Variants in DNAH2 observed in about 807,000 individuals in gnomAD.
DNAH2 encodes dynein axonemal heavy chain 2, also known as axonemal beta dynein heavy chain 2.
A neutral mutation model predicts 523.5 loss-of-function variants in DNAH2; 323 were observed. The observed-to-expected ratio is 0.62, with a 90% confidence interval of 0.56 to 0.68. The LOEUF is 0.68. DNAH2 is among the 30% of genes least tolerant of loss of function. DNAH2 has a pLI of 0.00. For synonymous variants in DNAH2, 2,093 were observed against 2,177.4 expected, an observed-to-expected ratio of 0.96 and a Z score of 1.08; for missense variants, 4,907 against 5,701.5, an observed-to-expected ratio of 0.86 and a Z score of 4.49.
At chr17:7,723,042 T>C (rs577425998) in intron 2 of DNAH2, among the ~76,000 whole-genome samples, 66 of 142,408 alleles carry the variant, frequency 4.6e-4, no homozygotes, top group African/African-American at 1.7e-3. Context: ...CAATCTCGGC[T>C]CACTACAAGC....
chr17:7,755,666 G>A (rs1178075048), intron 12 of DNAH2, among the ~76,000 whole-genome samples: 3 of 152,106 alleles, frequency 2.0e-5, no homozygotes, highest in East Asian at 1.9e-4. Context: ...TTTCTCAGAC[G>A]TGGAGCGGTT....
intron 39 of DNAH2, among the ~76,000 whole-genome samples, chr17:7,781,851 C>G (rs1384137136): frequency 6.6e-6 from 1 of 152,174 alleles, no homozygotes; most frequent in African/African-American, 2.4e-5. Flanking sequence ...CTGCTAGAAG[C>G]CATTTGGTAT....
In DNAH2 at chr17:7,798,676, A is replaced by T. The variant is rs1441780080; in HGVS notation, c.8517A>T (p.Ser2839=). 1 of 1,613,966 alleles carries T rather than the reference A, an allele frequency of 6.2e-7. No homozygotes were observed. Among genetic ancestry groups the T allele is most frequent in the Non-Finnish European group, 8.5e-7 (1 of 1,179,938 alleles). The change falls in exon 55 of 86, where the codon TCA becomes TCT. Residue 2839 remains serine, a synonymous_variant. Transcript: ENST00000572933. This position sits in a 1 kb window ranked among gnomAD's most constrained non-coding sequence, Gnocchi z 5.5. ...FLEDINNILS[S]GEVPNLYKPD... Reference sequence around the variant, plus strand: ...AGGACATCAACAACATCCTCAGCTCAGGCGAGGTGCCCAATCTCTACAAGC... The same window carrying T: ...AGGACATCAACAACATCCTCAGCTCTGGCGAGGTGCCCAATCTCTACAAGC...
chr17:7,792,891 C>T, intron 47 of DNAH2, 36 bp downstream of exon 47: 1 of 1,605,118 alleles, frequency 6.2e-7, no homozygotes. Context: ...CTGCCGGCTC[C>T]CTTGGGATCC....
intron 56 of DNAH2, among the ~76,000 whole-genome samples, chr17:7,799,924 G>A (rs1229029221): frequency 6.6e-6 from 1 of 152,200 alleles, no homozygotes; most frequent in Non-Finnish European, 1.5e-5. Flanking sequence ...CAGCTCCAGA[G>A]CTTTCTCATG....
chr17:7,760,532 A>G lies in DNAH2; in HGVS notation c.2786-208A>G, dbSNP rs770773281. Among the ~76,000 whole-genome samples the G allele has an allele frequency of 5.9e-5, 9 of 152,156 alleles. No individual in the cohort carries two copies. The highest frequency in any genetic ancestry group is 1.2e-4 in the Non-Finnish European group (8 of 68,014). On this transcript the variant is annotated intron_variant, in intron 17 of 85. Coordinates refer to ENST00000572933, the MANE Select transcript of DNAH2 (RefSeq NM_020877.5). This position sits in a 1 kb window ranked among gnomAD's most constrained non-coding sequence, Gnocchi z 4.0. ...GCCTGTAAGAGGCCTAGATACCAAC[A>G]GACAAGACATCACATCCTATGAAGG...
chr17:7,734,198 T>C lies in DNAH2; in HGVS notation c.644T>C (p.Leu215Pro). Residue 215 changes from leucine to proline, a missense_variant, in exon 6 of 86, where the codon CTG becomes CCG. Transcript: ENST00000572933. ...CTTTCCTTAGACACTCGGTACAAAC[T>C]GGAGGGGCACACGGTCCTCTACATC... ...LACLTDTRYK[L>P]EGHTVLYIPA... The C allele has an allele frequency of 2.5e-6, 4 of 1,598,224 alleles. No homozygotes were observed. Among genetic ancestry groups the C allele is most frequent in the East Asian group, 2.2e-5 (1 of 44,472 alleles).
intron 39 of DNAH2, among the ~76,000 whole-genome samples, chr17:7,782,366 A>G (rs905668449): frequency 3.9e-5 from 6 of 152,218 alleles, no homozygotes; most frequent in African/African-American, 1.4e-4. Flanking sequence ...ACCAGCTCTC[A>G]CATGGTTTCC....
rs768952649 is a variant in DNAH2 at position 7,818,671 on chromosome 17, T to C, written c.10565T>C (p.Val3522Ala). Reference sequence around the variant, plus strand: ...CTGGAGGCCCAGCTGCTGGGCATTGTGGTGCGGAAGGAGCGGCCTGAGCTG... The same window carrying C: ...CTGGAGGCCCAGCTGCTGGGCATTGCGGTGCGGAAGGAGCGGCCTGAGCTG... ...QGLEAQLLGIVVRKERPELEE... is the reference protein window; with the variant it reads ...QGLEAQLLGIAVRKERPELEE... Residue 3522 changes from valine (V) to alanine (A), a missense_variant, in exon 70 of 86, where the codon GTG (valine) becomes GCG (alanine). Around this residue, in one of 3 missense-constraint regions of DNAH2, gnomAD observed 1,851 missense variants for 2,139.4 expected, o/e 0.87. Transcript: ENST00000572933. 30 of 1,614,024 alleles carry C rather than the reference T, an allele frequency of 1.9e-5. No individual in the cohort carries two copies. The highest frequency in any genetic ancestry group is 2.3e-5 in the Non-Finnish European group (27 of 1,179,988).
At chr17:7,736,572 A>G (rs1300951953) in intron 7 of DNAH2, among the ~76,000 whole-genome samples, 29 of 152,204 alleles carry the variant, frequency 1.9e-4, no homozygotes, top group Admixed American at 1.8e-3. Flanking sequence ...AGAAAAGTTG[A>G]CATGTGCTAA....
At position 7,821,294 on chromosome 17, in the gene DNAH2, T is replaced by C. The variant is rs1302356839; in HGVS notation, c.11067T>C (p.His3689=). The change falls in exon 73 of 86, where the codon CAT becomes CAC. Residue 3689 remains histidine (H), a synonymous_variant. Coordinates refer to ENST00000572933, the MANE Select transcript of DNAH2 (RefSeq NM_020877.5). The surrounding 1 kb of genome is among the most constrained non-coding windows in gnomAD (Gnocchi z 5.0). ...GCCACAAACTACTATTCAGTTTTCA[T>C]ATGTGTGCCAAAATCTTGGAGACTT... The part of the protein sequence containing the change: ...FERHKLLFSF[H]MCAKILETSG... The C allele has an allele frequency of 6.2e-7, 1 of 1,614,012 alleles. No homozygotes were observed. The highest frequency in any genetic ancestry group is 1.7e-5 in the Admixed American group (1 of 59,990).
In DNAH2 at chr17:7,792,811, C is replaced by T. The variant is rs1330212229; in HGVS notation, c.7300C>T (p.Pro2434Ser). The T allele has an allele frequency of 1.9e-6, 3 of 1,614,180 alleles. No individual in the cohort carries two copies. Among genetic ancestry groups the T allele is most frequent in the Admixed American group, 3.3e-5 (2 of 60,018 alleles). The part of the protein sequence containing the change: ...SIAQSVLQSL[P>S]SSQWSVLVVN... Reference sequence around the variant, plus strand: ...CGCCCAGAGCGTTCTGCAGTCCCTGCCCTCCAGCCAGTGGTCGGTGCTCGT... The same window carrying T: ...CGCCCAGAGCGTTCTGCAGTCCCTGTCCTCCAGCCAGTGGTCGGTGCTCGT... Residue 2434 changes from proline (P) to serine (S), a missense_variant, in exon 47 of 86, where the codon CCC becomes TCC. Transcript: ENST00000572933.
intron 12 of DNAH2, among the ~76,000 whole-genome samples, chr17:7,755,249 G>A (rs1236222628): frequency 1.3e-5 from 2 of 152,136 alleles, no homozygotes; most frequent in African/African-American, 2.4e-5. Flanking sequence ...AGGGAGGGCA[G>A]GTTAGGGAAC....
chr17:7,722,886 T>C (rs2074660999), intron 2 of DNAH2, among the ~76,000 whole-genome samples: 1 of 152,140 alleles, frequency 6.6e-6, no homozygotes, highest in Admixed American at 6.5e-5. Flanking sequence ...TTTCAAGGTC[T>C]CTACCTAGAA....
chr17:7,776,966 T>G, intron 32 of DNAH2, 77 bp downstream of exon 32: 1 of 1,258,308 alleles, frequency 7.9e-7, no homozygotes, highest in South Asian at 1.3e-5. Flanking sequence ...GCCCACTCGC[T>G]TGAGCCCAGG....
intron 27 of DNAH2, 85 bp from the exon 28 acceptor site, chr17:7,771,245 C>A: frequency 6.4e-7 from 1 of 1,573,296 alleles, no homozygotes; most frequent in South Asian, 1.2e-5. Flanking sequence ...TTCTACCCAA[C>A]TGTCACCCAC....
Position 7,754,743 on chromosome 17 carries a change from C to T in DNAH2, c.1905-2348C>T, listed in dbSNP as rs745702045. On this transcript the variant is annotated intron_variant, in intron 12 of 85. Transcript: ENST00000572933. This position sits in a 1 kb window ranked among gnomAD's most constrained non-coding sequence, Gnocchi z 4.6. ...CATGGCCAAGGGGCTCAGGCTGTGC[C>T]GGCCCAAGGCCAAGGCCAAGGATCA... 2.4e-5 allele frequency: 25 copies of T among 1,039,994 alleles called. No individual in the cohort carries two copies. Among genetic ancestry groups the T allele is most frequent in the South Asian group, 7.7e-5 (6 of 78,310 alleles). The allele number at this position is 1,039,994 out of a possible 1,614,324, so 64.4% of individuals were successfully genotyped here.
At chr17:7,720,027 C>T in intron 2 of DNAH2, 127 bp downstream of exon 2, 1 of 1,189,292 alleles carries the variant, frequency 8.4e-7, no homozygotes, top group Non-Finnish European at 1.1e-6. Flanking sequence ...CTAAGTGACG[C>T]CCCCAGCCAT....
chr17:7,801,736 T>C (rs2077228411), intron 57 of DNAH2, 26 bp downstream of exon 57: 5 of 1,613,060 alleles, frequency 3.1e-6, no homozygotes, highest in Middle Eastern at 1.7e-4. Context: ...CCACCTCTCA[T>C]TGCATCCCTG....
Sources: gnomAD v4.1 joint callset for allele counts (sites outside exome capture counted in the v4.1 genomes callset) on GRCh38, gnomAD v4.1.1 for gene constraint, gnomAD v4.1.1 regional missense constraint, Gnocchi (gnomAD v3.1) non-coding constraint, MANE v1.5 for transcripts, NCBI Gene and HGNC (gene_info 2026-07-23, HGNC 2026-07-21) for gene names.